BAIAP2L1: variants seen among roughly 807,000 people sequenced by gnomAD.
The protein encoded by BAIAP2L1 is BAR/IMD domain-containing adapter protein 2-like 1.
A neutral mutation model predicts 66.3 loss-of-function variants in BAIAP2L1; 35 were observed. That is an observed-to-expected ratio of 0.53 (90% CI 0.40 to 0.70). The LOEUF (loss-of-function observed/expected upper bound fraction) is 0.70, where lower values mean the gene tolerates loss of function less well. Ranked by LOEUF, BAIAP2L1 falls within the 30% of genes least tolerant of loss-of-function variation. BAIAP2L1 has a pLI of 0.00. For synonymous variants in BAIAP2L1, 269 were observed against 248.7 expected (o/e 1.08, Z -0.77); for missense variants, 622 against 656.9 (o/e 0.95, Z 0.58).
At chr7:98,319,398 C>T (rs375046714) in intron 5 of BAIAP2L1, among the ~76,000 whole-genome samples, 68 of 152,328 alleles carry the variant, frequency 4.5e-4, no homozygotes, top group Non-Finnish European at 8.4e-4. Context: ...CCGCACACCA[C>T]CCACAGCCTG....
At chr7:98,365,849 A>T (rs1802378905) in intron 1 of BAIAP2L1, among the ~76,000 whole-genome samples, 2 of 151,972 alleles carry the variant, frequency 1.3e-5, no homozygotes, top group South Asian at 4.1e-4. Flanking sequence ...CTCCTGTCTG[A>T]ATTTTTTGGT....
At chr7:98,349,732 G>A (rs1015592514) in intron 3 of BAIAP2L1, among the ~76,000 whole-genome samples, 27 of 152,030 alleles carry the variant, frequency 1.8e-4, no homozygotes, top group Admixed American at 2.0e-4. Flanking sequence ...AAATACGGCC[G>A]GGGATGGTGG....
intron 3 of BAIAP2L1, among the ~76,000 whole-genome samples, chr7:98,329,112 C>A (rs980932814): frequency 6.6e-6 from 1 of 152,178 alleles, no homozygotes; most frequent in Non-Finnish European, 1.5e-5. Flanking sequence ...CAAAAACAAT[C>A]GCAAAGGCAC....
At chr7:98,344,903 T>C (rs1177881547) in intron 3 of BAIAP2L1, among the ~76,000 whole-genome samples, 1 of 152,158 alleles carries the variant, frequency 6.6e-6, no homozygotes, top group African/African-American at 2.4e-5. Flanking sequence ...GCCATTGTAC[T>C]CCAGCCTAGG....
At chr7:98,314,692 T>A (rs971781711) in intron 7 of BAIAP2L1, among the ~76,000 whole-genome samples, 2 of 151,624 alleles carry the variant, frequency 1.3e-5, no homozygotes, top group African/African-American at 4.8e-5. Flanking sequence ...TGCGCGTGAA[T>A]GGGGGCCCGT....
At chr7:98,302,978 G>T (rs1201327455) in intron 12 of BAIAP2L1, among the ~76,000 whole-genome samples, 1 of 152,020 alleles carries the variant, frequency 6.6e-6, no homozygotes. Context: ...TCTACATAGG[G>T]TTTTGCTATG....
At chr7:98,308,216 T>C (rs1044620653) in intron 9 of BAIAP2L1, 2 of 530,520 alleles carry the variant, frequency 3.8e-6, no homozygotes, top group Admixed American at 2.2e-5. Flanking sequence ...ATGGCTCTTC[T>C]TAGAGAGACA....
intron 11 of BAIAP2L1, among the ~76,000 whole-genome samples, chr7:98,306,164 G>A (rs1800649426): frequency 6.6e-6 from 1 of 152,210 alleles, no homozygotes; most frequent in African/African-American, 2.4e-5. Context: ...CTTGGGTTTA[G>A]CGACCAGGAG....
In BAIAP2L1 at chr7:98,293,448, G is replaced by A. The variant is rs555269730; in HGVS notation, c.*73C>T. Reference sequence around the variant, plus strand: ...ACTGAAGCTTCCCGACCGTCAGCACGTGGCAGACAGGATGCGCCCATCATT... The same window carrying A: ...ACTGAAGCTTCCCGACCGTCAGCACATGGCAGACAGGATGCGCCCATCATT... On this transcript the variant is annotated 3_prime_UTR_variant, in exon 14 of 14. Coordinates refer to ENST00000005260, the MANE Select transcript of BAIAP2L1 (RefSeq NM_018842.5). 36 of 1,393,266 alleles carry A rather than the reference G, an allele frequency of 2.6e-5. No individual in the cohort carries two copies. The highest frequency in any genetic ancestry group is 2.5e-4 in the Middle Eastern group (1 of 3,946). The allele number at this position is 1,393,266 out of a possible 1,614,324, so 86.3% of individuals were successfully genotyped here.
chr7:98,384,086 G>A (rs150226936), intron 1 of BAIAP2L1, among the ~76,000 whole-genome samples: 4 of 151,434 alleles, frequency 2.6e-5, no homozygotes, highest in African/African-American at 7.3e-5. Flanking sequence ...CCTGGGAGGC[G>A]GAGATTGCAG....
chr7:98,393,558 C>A (rs1291762518), intron 1 of BAIAP2L1, among the ~76,000 whole-genome samples: 1 of 151,692 alleles, frequency 6.6e-6, no homozygotes, highest in Non-Finnish European at 1.5e-5. Flanking sequence ...AGTGCAGTGG[C>A]ATGATCTCAG....
chr7:98,355,556 CAAA>C (rs60113566), intron 2 of BAIAP2L1: 1,680 of 116,484 alleles, frequency 0.014, 40 homozygotes, highest in African/African-American at 0.052. Context: ...CCCGCCTCTA[CAAA>C]AAAAAAAAAA....
At chr7:98,307,971 C>T in intron 9 of BAIAP2L1, 75 bp from the exon 10 acceptor site, 2 of 1,370,096 alleles carry the variant, frequency 1.5e-6, no homozygotes, top group South Asian at 2.3e-5. Context: ...GAGCAAACCC[C>T]AGGAATCCAC....
rs568104988 is a variant in BAIAP2L1 at position 98,292,740 on chromosome 7, T to C, written c.*781A>G. The C allele has an allele frequency of 3.1e-4, 478 of 1,551,334 alleles. 2 individuals carry two copies. Among genetic ancestry groups the C allele is most frequent in the South Asian group, 1.6e-3 (135 of 84,020 alleles). Reference sequence around the variant, plus strand: ...CCGAGCAGTTTGAGTGTACTGGTAATGGATGCAGCTTTGGCCAACTAGCTG... The same window carrying C: ...CCGAGCAGTTTGAGTGTACTGGTAACGGATGCAGCTTTGGCCAACTAGCTG... On this transcript the variant is annotated 3_prime_UTR_variant, in exon 14 of 14. Coordinates refer to ENST00000005260, the MANE Select transcript of BAIAP2L1 (RefSeq NM_018842.5).
chr7:98,396,681 G>A (rs1410553740), intron 1 of BAIAP2L1, among the ~76,000 whole-genome samples: 1 of 152,128 alleles, frequency 6.6e-6, no homozygotes, highest in Non-Finnish European at 1.5e-5. Context: ...CCAGCTACTC[G>A]GGAGGCTGAG....
At chr7:98,309,278 C>T (rs1373728789) in intron 9 of BAIAP2L1, 1 of 152,170 alleles carries the variant, frequency 6.6e-6, no homozygotes, top group Non-Finnish European at 1.5e-5. Context: ...CCTCAGCCTC[C>T]TGAACAGCTG....
At chr7:98,304,452 A>G in intron 11 of BAIAP2L1, 76 bp from the exon 12 acceptor site, 1 of 1,440,488 alleles carries the variant, frequency 6.9e-7, no homozygotes, top group South Asian at 1.2e-5. Flanking sequence ...TGTGTCCCTG[A>G]CCAAGGACAA....
chr7:98,387,823 G>C (rs958343827), intron 1 of BAIAP2L1, among the ~76,000 whole-genome samples: 1 of 152,074 alleles, frequency 6.6e-6, no homozygotes, highest in Non-Finnish European at 1.5e-5. Flanking sequence ...AGCTATGATT[G>C]TGCCATTTCA....
chr7:98,397,450 G>A (rs774137073), intron 1 of BAIAP2L1, among the ~76,000 whole-genome samples: 15 of 148,702 alleles, frequency 1.0e-4, no homozygotes, highest in Admixed American at 2.7e-4. Flanking sequence ...TCAGCCTCCC[G>A]AGTAGCTGGG....
Sources: allele counts gnomAD v4.1 joint callset (sites outside exome capture counted in the v4.1 genomes callset), GRCh38; gene constraint gnomAD v4.1.1; transcripts MANE v1.5; gene names NCBI Gene and HGNC (gene_info 2026-07-23, HGNC 2026-07-21).